Variants in LRP1B observed in about 807,000 individuals in gnomAD.
The protein encoded by LRP1B is low-density lipoprotein receptor-related protein 1B.
In LRP1B, 217 loss-of-function variants were observed where a neutral mutation model predicts 556.6. The ratio of observed to expected loss-of-function variants is 0.39; its 90% CI spans 0.35 to 0.44. The LOEUF is 0.44. Ranked by LOEUF, LRP1B falls within the 20% of genes least tolerant of loss-of-function variation. The probability of loss-of-function intolerance (pLI) is 1.00; values close to 1 mark genes in which losing one functional copy is unlikely to be tolerated. For synonymous variants in LRP1B, 2,047 were observed against 1,865.8 expected (o/e 1.10, Z -2.50); for missense variants, 5,053 against 5,620.8 (o/e 0.90, Z 3.23).
At chr2:141,695,009 A>G (rs1006672591) in intron 2 of LRP1B, among the ~76,000 whole-genome samples, 1 of 152,014 alleles carries the variant, frequency 6.6e-6, no homozygotes, top group Non-Finnish European at 1.5e-5. Context: ...CCATTCAATA[A>G]TACTTTAAAA....
chr2:141,719,704 G>A (rs1558826653), intron 2 of LRP1B, among the ~76,000 whole-genome samples: 1 of 151,902 alleles, frequency 6.6e-6, no homozygotes, highest in Non-Finnish European at 1.5e-5. Context: ...AAAAAATGAA[G>A]CCATGTCTTT....
intron 84 of LRP1B, among the ~76,000 whole-genome samples, chr2:140,293,683 A>G (rs1458127678): frequency 1.3e-5 from 2 of 152,150 alleles, no homozygotes; most frequent in African/African-American, 4.8e-5. Context: ...GTCGGCTTAC[A>G]TCTAATAGAT....
intron 3 of LRP1B, among the ~76,000 whole-genome samples, chr2:141,366,835 ACTT>A (rs1553503626): frequency 6.6e-6 from 1 of 152,182 alleles, no homozygotes; most frequent in Non-Finnish European, 1.5e-5. Flanking sequence ...ACGCTGGGTC[ACTT>A]TTCTCAATCT....
At chr2:141,320,413 A>G (rs1330847301) in intron 3 of LRP1B, among the ~76,000 whole-genome samples, 1 of 152,090 alleles carries the variant, frequency 6.6e-6, no homozygotes, top group East Asian at 1.9e-4. Context: ...GAATATTTTA[A>G]ATTCCTCATT....
At chr2:141,518,566 T>C (rs141188645) in intron 2 of LRP1B, among the ~76,000 whole-genome samples, 3 of 152,264 alleles carry the variant, frequency 2.0e-5, no homozygotes, top group East Asian at 1.9e-4. Flanking sequence ...ATTGATCTTG[T>C]TGTTTTTAAA....
chr2:141,741,033 C>T (rs1262012461), intron 2 of LRP1B, among the ~76,000 whole-genome samples: 12 of 152,014 alleles, frequency 7.9e-5, no homozygotes, highest in East Asian at 7.7e-4. Flanking sequence ...TGTCTTTTTG[C>T]GCCTGCCTTA....
At chr2:141,945,144 CATA>C (rs1700917754) in intron 1 of LRP1B, among the ~76,000 whole-genome samples, 1 of 152,094 alleles carries the variant, frequency 6.6e-6, no homozygotes, top group Non-Finnish European at 1.5e-5. Context: ...ATCTTAGCCC[CATA>C]ATATTTTCCT....
intron 2 of LRP1B, among the ~76,000 whole-genome samples, chr2:141,653,209 G>A (rs1689864444): frequency 6.6e-6 from 1 of 152,104 alleles, no homozygotes; most frequent in South Asian, 2.1e-4. Flanking sequence ...TCAAAGCTTG[G>A]TGAGGACATG....
chr2:140,986,792 C>T (rs1696940074), intron 17 of LRP1B, among the ~76,000 whole-genome samples: 1 of 152,090 alleles, frequency 6.6e-6, no homozygotes, highest in Non-Finnish European at 1.5e-5. Context: ...CATTCTATCA[C>T]CAGTGCTTTG....
intron 41 of LRP1B, among the ~76,000 whole-genome samples, chr2:140,670,826 A>T (rs1685454290): frequency 6.6e-6 from 1 of 152,228 alleles, no homozygotes; most frequent in Non-Finnish European, 1.5e-5. Context: ...AGGGGATCGA[A>T]AATGGCAGTA....
At chr2:140,533,188 G>A (rs1690797287) in intron 47 of LRP1B, among the ~76,000 whole-genome samples, 1 of 151,542 alleles carries the variant, frequency 6.6e-6, no homozygotes, top group Non-Finnish European at 1.5e-5. Context: ...GCAAACATTG[G>A]TATTCCATTA....
chr2:141,782,514 C>CTTTTTTTTTTTTTTTTTTTTTTT (rs5834867), intron 2 of LRP1B, among the ~76,000 whole-genome samples: 1 of 97,864 alleles, frequency 1.0e-5, no homozygotes, highest in Non-Finnish European at 1.9e-5. Flanking sequence ...TTCTATTTTC[C>CTTTTTTTTTTTTTTTTTTTTTTT]TTTTTTTTTT....
chr2:142,036,113 ACAGACTAATACACC>A (rs1242519813), intron 1 of LRP1B, among the ~76,000 whole-genome samples: 1 of 151,624 alleles, frequency 6.6e-6, no homozygotes, highest in Non-Finnish European at 1.5e-5. Context: ...CAGCATAAAA[ACAGACTAATACACC>A]CCAAGAACAC....
chr2:140,384,168 G>T (rs902605438), intron 67 of LRP1B, among the ~76,000 whole-genome samples: 3 of 152,072 alleles, frequency 2.0e-5, no homozygotes, highest in African/African-American at 7.2e-5. Context: ...CTACAGAGTT[G>T]GCCTCTCATC....
chr2:141,541,010 C>T (rs1047358513), intron 2 of LRP1B, among the ~76,000 whole-genome samples: 3 of 151,852 alleles, frequency 2.0e-5, no homozygotes, highest in African/African-American at 7.3e-5. Flanking sequence ...ACAACAACAT[C>T]CAAAATAGCA....
At chr2:140,268,371 A>G (rs949886454) in intron 86 of LRP1B, among the ~76,000 whole-genome samples, 2 of 152,010 alleles carry the variant, frequency 1.3e-5, no homozygotes, top group African/African-American at 2.4e-5. Context: ...GCCAACAAGT[A>G]TCACCTTCAC....
intron 31 of LRP1B, among the ~76,000 whole-genome samples, chr2:140,827,899 C>T (rs894587449): frequency 6.6e-6 from 1 of 151,984 alleles, no homozygotes; most frequent in Non-Finnish European, 1.5e-5. Flanking sequence ...CATAAAGGAG[C>T]TCCAATTCAC....
chr2:140,725,329 C>T (rs1687553924), intron 35 of LRP1B, among the ~76,000 whole-genome samples: 1 of 150,828 alleles, frequency 6.6e-6, no homozygotes, highest in African/African-American at 2.4e-5. Flanking sequence ...AAGACCAGAC[C>T]TTTTTTTTTC....
chr2:140,269,228 G>A (rs1431428263), intron 86 of LRP1B: 2 of 468,734 alleles, frequency 4.3e-6, no homozygotes, highest in Admixed American at 4.7e-5. Context: ...CTGAAATGAT[G>A]TCACACGAAG....
Sources: allele counts gnomAD v4.1 joint callset (sites outside exome capture counted in the v4.1 genomes callset), GRCh38; gene constraint gnomAD v4.1.1; transcripts MANE v1.5; gene names NCBI Gene and HGNC (gene_info 2026-07-23, HGNC 2026-07-21).